Variants in WDR72 observed in about 807,000 individuals in gnomAD.
WDR72 encodes the protein WD repeat-containing protein 72.
WDR72 carries 120 observed loss-of-function variants against 124.2 expected under a neutral mutation model. The observed-to-expected ratio is 0.97, with a 90% CI of 0.83 to 1.12. The LOEUF is 1.12. WDR72 is among the 50% of genes most tolerant of loss of function. WDR72 has a pLI of 0.00. For missense variants in WDR72, 1,387 were observed against 1,278.8 expected, an observed-to-expected ratio of 1.08 and a Z score of -1.29; for synonymous variants, 452 against 441.7, an observed-to-expected ratio of 1.02 and a Z score of -0.29.
At chr15:53,521,468 A>ATTT (rs2140206423) in intron 19 of WDR72, among the ~76,000 whole-genome samples, 2 of 152,270 alleles carry the variant, frequency 1.3e-5, no homozygotes, top group South Asian at 4.1e-4. Context: ...CAGAGGAAAA[A>ATTT]GCCAGAGTAA....
At chr15:53,738,505 T>C (rs1271257573) in intron 1 of WDR72, among the ~76,000 whole-genome samples, 1 of 152,204 alleles carries the variant, frequency 6.6e-6, no homozygotes, top group Non-Finnish European at 1.5e-5. Flanking sequence ...AATGAGAATA[T>C]TATTAACTTA....
In WDR72 at chr15:53,653,667, T is replaced by C. The variant is rs75434451; in HGVS notation, c.1962+11905A>G. 6.0e-3 allele frequency among the ~76,000 whole-genome samples: 907 copies of C among 152,308 alleles called. 2 individuals are homozygous for C. The highest frequency in any genetic ancestry group is 0.01 in the Non-Finnish European group (685 of 68,014). ...CAGATTAATAATAATGGAATGCTCATTCTTAGTTTCTTTTCTTTCTGTCAT... is the reference window on the plus strand; with the variant it reads ...CAGATTAATAATAATGGAATGCTCACTCTTAGTTTCTTTTCTTTCTGTCAT... On this transcript the variant is annotated intron_variant, in intron 14 of 19. Coordinates refer to ENST00000360509, the MANE Select transcript of WDR72 (RefSeq NM_182758.4).
At chr15:53,525,139 G>T (rs1279592443) in intron 18 of WDR72, among the ~76,000 whole-genome samples, 3 of 151,970 alleles carry the variant, frequency 2.0e-5, no homozygotes, top group Admixed American at 1.3e-4. Flanking sequence ...TTCAGTTTAG[G>T]TCATACTTAC....
At chr15:53,620,852 G>A (rs2013962759) in intron 14 of WDR72, among the ~76,000 whole-genome samples, 2 of 152,072 alleles carry the variant, frequency 1.3e-5, no homozygotes, top group Non-Finnish European at 2.9e-5. Flanking sequence ...AGTCAGCAGA[G>A]TAAACAGATA....
At chr15:53,570,800 T>G (rs916625765) in intron 18 of WDR72, among the ~76,000 whole-genome samples, 3 of 152,146 alleles carry the variant, frequency 2.0e-5, no homozygotes, top group African/African-American at 7.2e-5. Context: ...CACAGCACTA[T>G]TCACAATGGC....
At chr15:53,579,962 A>G (rs1307726313) in intron 18 of WDR72, among the ~76,000 whole-genome samples, 4 of 152,150 alleles carry the variant, frequency 2.6e-5, no homozygotes, top group African/African-American at 9.6e-5. Context: ...CCTGTTTAAC[A>G]TGATAATTGC....
chr15:53,551,316 T>C (rs1893718617), intron 18 of WDR72, among the ~76,000 whole-genome samples: 1 of 152,090 alleles, frequency 6.6e-6, no homozygotes, highest in South Asian at 2.1e-4. Flanking sequence ...CTAAATGCAA[T>C]GAGAAGATGT....
chr15:53,597,234 T>A lies in WDR72; in HGVS notation c.2993A>T (p.Gln998Leu). Residue 998 changes from glutamine (Q) to leucine (L), a missense_variant, in exon 18 of 20, where the codon CAA (glutamine) becomes CTA (leucine). Physicochemically the swap from Gln to Leu is moderately radical, Grantham distance 113 (BLOSUM62 -2). Transcript: ENST00000360509. ...AIQAVLLAEV[Q>L]QHMKSLGKIP... Reference sequence around the variant, plus strand: ...CTTTCCCAAACTCTTCATGTGTTGTTGAACTTCCGCCAAGAGAACAGCTTG... The same window carrying A: ...CTTTCCCAAACTCTTCATGTGTTGTAGAACTTCCGCCAAGAGAACAGCTTG... The A allele has an allele frequency of 3.1e-6, 5 of 1,613,850 alleles. No homozygotes were observed. The highest frequency in any genetic ancestry group is 4.2e-6 in the Non-Finnish European group (5 of 1,179,840).
chr15:53,685,907 A>C (rs540160913), intron 13 of WDR72, among the ~76,000 whole-genome samples: 35 of 130,620 alleles, frequency 2.7e-4, no homozygotes, highest in Middle Eastern at 3.5e-3. Flanking sequence ...GCCAATATTC[A>C]ACATTCTTAA....
chr15:53,662,436 G>A (rs1172447332), intron 14 of WDR72, among the ~76,000 whole-genome samples: 1 of 152,096 alleles, frequency 6.6e-6, no homozygotes, highest in East Asian at 1.9e-4. Context: ...AAGTCCTAAT[G>A]TTGCCAAACA....
chr15:53,731,168 G>A (rs557665395), intron 2 of WDR72, among the ~76,000 whole-genome samples: 14 of 151,916 alleles, frequency 9.2e-5, no homozygotes, highest in South Asian at 2.1e-4. Flanking sequence ...TATAGTTCTC[G>A]AGAATTCAAT....
At chr15:53,537,404 T>A (rs944524493) in intron 18 of WDR72, among the ~76,000 whole-genome samples, 13 of 152,206 alleles carry the variant, frequency 8.5e-5, no homozygotes, top group African/African-American at 3.1e-4. Context: ...GGGGCTCTTC[T>A]GAAAAGGACA....
At chr15:53,639,630 C>T (rs542126693) in intron 14 of WDR72, among the ~76,000 whole-genome samples, 14 of 150,796 alleles carry the variant, frequency 9.3e-5, no homozygotes, top group African/African-American at 3.2e-4. Context: ...TATCTCCTAA[C>T]TGCAGTGTGT....
At position 53,515,055 on chromosome 15, in the gene WDR72, G is replaced by GTATATATATGTGTGTA. The variant is rs1891374769; in HGVS notation, c.*2643_*2644insTACACACATATATATA. The GTATATATATGTGTGTA allele has an allele frequency of 4.1e-5, 4 of 97,144 alleles. No homozygotes were observed. The highest frequency in any genetic ancestry group is 6.1e-5 in the African/African-American group (2 of 32,982). The allele number at this position is 97,144 out of a possible 1,614,324, so 6.0% of individuals were successfully genotyped here. ...CATATATATGTGTATATATATGTGT[G>GTATATATATGTGTGTA]TATATATATACACACATATATATGT... On this transcript the variant is annotated 3_prime_UTR_variant, in exon 20 of 20. Coordinates refer to ENST00000360509, the MANE Select transcript of WDR72 (RefSeq NM_182758.4).
chr15:53,717,292 A>C (rs1035117795), intron 3 of WDR72, among the ~76,000 whole-genome samples: 5 of 152,198 alleles, frequency 3.3e-5, no homozygotes, highest in Non-Finnish European at 7.3e-5. Flanking sequence ...CACCCAGCAT[A>C]GGGTAGTTTA....
At chr15:53,702,455 A>G in intron 11 of WDR72, 101 bp from the exon 12 acceptor site, 1 of 979,122 alleles carries the variant, frequency 1.0e-6, no homozygotes, top group Non-Finnish European at 1.6e-6. Context: ...GAAATTACAT[A>G]TAATTAAAGC....
chr15:53,691,816 C>A (rs2016855497), intron 13 of WDR72, among the ~76,000 whole-genome samples: 1 of 152,182 alleles, frequency 6.6e-6, no homozygotes, highest in South Asian at 2.1e-4. Flanking sequence ...AAAGACTGCA[C>A]ATGTTAACAG....
intron 18 of WDR72, among the ~76,000 whole-genome samples, chr15:53,549,475 G>A (rs1423530649): frequency 1.3e-5 from 2 of 152,136 alleles, no homozygotes; most frequent in South Asian, 2.1e-4. Context: ...GAATAGATGC[G>A]TGTTTTCCCA....
intron 2 of WDR72, among the ~76,000 whole-genome samples, chr15:53,731,388 A>T (rs1437586864): frequency 6.6e-6 from 1 of 151,748 alleles, no homozygotes; most frequent in Admixed American, 6.6e-5. Flanking sequence ...CCATATCTCT[A>T]TCCCTGGATT....
Sources: allele counts gnomAD v4.1 joint callset (sites outside exome capture counted in the v4.1 genomes callset), GRCh38; gene constraint gnomAD v4.1.1; transcripts MANE v1.5; gene names NCBI Gene and HGNC (gene_info 2026-07-23, HGNC 2026-07-21).